Variants in NTHL1 observed in about 807,000 individuals in gnomAD.
NTHL1 encodes endonuclease III-like protein 1.
In NTHL1, 32 loss-of-function variants were observed where a neutral mutation model predicts 32.3. That is an observed-to-expected ratio of 0.99 (90% CI 0.75 to 1.33). NTHL1 has a LOEUF of 1.33. NTHL1 is among the 40% of genes most tolerant of loss of function. The probability of loss-of-function intolerance (pLI) is 0.00; values close to 1 mark genes in which losing one functional copy is unlikely to be tolerated. For missense variants in NTHL1, 501 were observed against 414.1 expected (o/e 1.21, Z -1.82); for synonymous variants, 188 against 176.9 (o/e 1.06, Z -0.50).
At chr16:2,041,025 C>CCAGG (rs1471225530) in intron 4 of NTHL1, among the ~76,000 whole-genome samples, 2 of 152,250 alleles carry the variant, frequency 1.3e-5, no homozygotes, top group African/African-American at 4.8e-5. Flanking sequence ...GCTGGCCACC[C>CCAGG]CAGGCGTCTG....
chr16:2,047,831 T>G lies in NTHL1; in HGVS notation c.-8A>C, dbSNP rs566165031. On this transcript the variant is annotated 5_prime_UTR_variant, in exon 1 of 6. Coordinates refer to ENST00000651570, the MANE Select transcript of NTHL1 (RefSeq NM_002528.7). Reference sequence around the variant, plus strand: ...CGCGCTCAAGGCGGTCATGCCGGACTCCTGCGGACTACACATCCCGGCGGC... The same window carrying G: ...CGCGCTCAAGGCGGTCATGCCGGACGCCTGCGGACTACACATCCCGGCGGC... The G allele has an allele frequency of 6.3e-7, 1 of 1,594,566 alleles. No homozygotes were observed. The highest frequency in any genetic ancestry group is 1.1e-5 in the South Asian group (1 of 89,416).
Position 2,041,443 on chromosome 16 carries a change from ATT to A in NTHL1, c.686-1207_686-1206del, listed in dbSNP as rs778235635. Among the ~76,000 whole-genome samples, 26 of 143,808 alleles carry A rather than the reference ATT, an allele frequency of 1.8e-4. 1 individual carries two copies. Among genetic ancestry groups the A allele is most frequent in the African/African-American group, 2.3e-4 (9 of 39,296 alleles). 94.3% of individuals were successfully genotyped at this position (143,808 alleles called of 152,430 possible). A position where few individuals can be genotyped will look rare whatever the true frequency, so the allele number is the denominator to read the frequency against. On this transcript the variant is annotated intron_variant, in intron 4 of 5. Coordinates refer to ENST00000651570, the MANE Select transcript of NTHL1 (RefSeq NM_002528.7). ...GGAGCCAGCAATCTATGGCTGTGGC[ATT>A]TTTTTTTTTTTTTAAACGGAGTCTT...
At chr16:2,046,632 AGACAGTCTGCTAACACC>A (rs1326277924) in intron 1 of NTHL1, among the ~76,000 whole-genome samples, 1 of 152,144 alleles carries the variant, frequency 6.6e-6, no homozygotes, top group African/African-American at 2.4e-5. Flanking sequence ...ACTGCACCAG[AGACAGTCTGCTAACACC>A]CACATCAGGT....
At chr16:2,046,426 G>A (rs1307132152) in intron 1 of NTHL1, 60 bp from the exon 2 acceptor site, 2 of 1,474,400 alleles carry the variant, frequency 1.4e-6, no homozygotes, top group Admixed American at 1.8e-5. Flanking sequence ...GGGTAGGGGT[G>A]CCATCCCGCC....
rs184003945 is a variant in NTHL1 at position 2,043,230 on chromosome 16, C to T, written c.685+337G>A. On this transcript the variant is annotated intron_variant, in intron 4 of 5. Coordinates refer to ENST00000651570, the MANE Select transcript of NTHL1 (RefSeq NM_002528.7). This position sits in a 1 kb window ranked among gnomAD's most constrained non-coding sequence, Gnocchi z 4.4. ...CCTTCCCAGAGGCCCTGGGCCCAAG[C>T]CAGGCCCCAAGAGCACCCTGCACAA... 5.3e-4 allele frequency among the ~76,000 whole-genome samples: 80 copies of T among 151,940 alleles called. No individual in the cohort carries two copies. Among genetic ancestry groups the T allele is most frequent in the Admixed American group, 2.2e-3 (34 of 15,284 alleles).
chr16:2,045,168 C>A (rs1330666405), intron 2 of NTHL1, among the ~76,000 whole-genome samples: 1 of 152,142 alleles, frequency 6.6e-6, no homozygotes, highest in Non-Finnish European at 1.5e-5. Flanking sequence ...GAAACCCCGT[C>A]TCTACTAAAA....
intron 4 of NTHL1, chr16:2,042,187 C>CGTTGG: frequency 2.3e-6 from 1 of 438,156 alleles, no homozygotes; most frequent in South Asian, 1.6e-5. Context: ...CTCTTGTGCC[C>CGTTGG]GCTGCTCCCA....
intron 1 of NTHL1, 21 bp downstream of exon 1, chr16:2,047,688 C>G: frequency 1.3e-6 from 2 of 1,564,808 alleles, no homozygotes; most frequent in Non-Finnish European, 1.7e-6. Flanking sequence ...CTCCCACGCT[C>G]CAGCCACGGC....
At position 2,044,533 on chromosome 16, in the gene NTHL1, G is replaced by C; in HGVS notation, c.525+97C>G. ...GGGACCCCCCGAGCCTGAGATGCTT[G>C]ACCCTCACTTCCTGCACCGTCGCCA... On this transcript the variant is annotated intron_variant, in intron 3 of 5. Transcript: ENST00000651570. This position sits in a 1 kb window ranked among gnomAD's most constrained non-coding sequence, Gnocchi z 5.0. 6.6e-7 allele frequency: 1 copy of C among 1,516,902 alleles called. No individual in the cohort carries two copies. Among genetic ancestry groups the C allele is most frequent in the South Asian group, 1.1e-5 (1 of 88,744 alleles). The allele number at this position is 1,516,902 out of a possible 1,614,324, so 94.0% of individuals were successfully genotyped here. A position where few individuals can be genotyped will look rare whatever the true frequency, so the allele number is the denominator to read the frequency against.
rs1210160367 is a variant in NTHL1, at chr16:2,046,343, C to T, written c.139G>A (p.Val47Met). Reference sequence around the variant, plus strand: ...CTCTGTGCTTTCCGCGGACGCTTCACGGGGCTGTGGCTTTTCCTCGCTTCT... The same window carrying T: ...CTCTGTGCTTTCCGCGGACGCTTCATGGGGCTGTGGCTTTTCCTCGCTTCT... ...AAEARKSHSP[V>M]KRPRKAQRLR... is the part of the protein sequence containing the mutation. The change falls in exon 2 of 6, where the codon GTG becomes ATG. Residue 47 changes from valine to methionine, a missense_variant. Transcript: ENST00000651570. 6.8e-6 allele frequency: 11 copies of T among 1,608,204 alleles called. No individual in the cohort carries two copies. The highest frequency in any genetic ancestry group is 1.7e-5 in the Admixed American group (1 of 59,930).
At chr16:2,047,179 T>A (rs137981626) in intron 1 of NTHL1, 4 of 156,394 alleles carry the variant, frequency 2.6e-5, no homozygotes, top group Non-Finnish European at 5.7e-5. Flanking sequence ...TCTGCAGAAG[T>A]CCCAGCGGGA....
rs1353242981 is a variant in NTHL1 at position 2,043,388 on chromosome 16, C to A, written c.685+179G>T. 1 of 805,646 alleles carries A rather than the reference C, an allele frequency of 1.2e-6. No homozygotes were observed. Among genetic ancestry groups the A allele is most frequent in the Non-Finnish European group, 2.0e-6 (1 of 509,582 alleles). The allele number at this position is 805,646 out of a possible 1,614,324, so 49.9% of individuals were successfully genotyped here. A position where few individuals can be genotyped will look rare whatever the true frequency, so the allele number is the denominator to read the frequency against. ...AGCAGGTGCTCAGCCCATGTGACCTCCTGCCCCAGCACCTGTCTCTGAGTG... is the reference window on the plus strand; with the variant it reads ...AGCAGGTGCTCAGCCCATGTGACCTACTGCCCCAGCACCTGTCTCTGAGTG... On this transcript the variant is annotated intron_variant, in intron 4 of 5. Transcript: ENST00000651570. The surrounding 1 kb of genome is among the most constrained non-coding windows in gnomAD (Gnocchi z 4.4).
rs1157978946 is a variant in NTHL1, at chr16:2,044,558, AC to A, written c.525+71del. On this transcript the variant is annotated intron_variant, in intron 3 of 5. Coordinates refer to ENST00000651570, the MANE Select transcript of NTHL1 (RefSeq NM_002528.7). The surrounding 1 kb of genome is among the most constrained non-coding windows in gnomAD (Gnocchi z 5.0). Reference sequence around the variant, plus strand: ...GACCCTCACTTCCTGCACCGTCGCCACCCCCCTCAGCCTTCTGAGGTCTCTC... The same window carrying A: ...GACCCTCACTTCCTGCACCGTCGCCACCCCCTCAGCCTTCTGAGGTCTCTC... 8.2e-6 allele frequency: 13 copies of A among 1,581,316 alleles called. No individual in the cohort carries two copies. The highest frequency in any genetic ancestry group is 8.6e-6 in the Non-Finnish European group (10 of 1,166,632).
intron 2 of NTHL1, among the ~76,000 whole-genome samples, chr16:2,045,581 T>G (rs1596221311): frequency 6.6e-6 from 1 of 151,966 alleles, no homozygotes; most frequent in African/African-American, 2.4e-5. Context: ...GGGTTACAGG[T>G]GCCTGCCACC....
At position 2,046,288 on chromosome 16, in the gene NTHL1, C is replaced by T. The variant is rs747885276; in HGVS notation, c.194G>A (p.Ser65Asn). 1 of 1,613,262 alleles carries T rather than the reference C, an allele frequency of 6.2e-7. No homozygotes were observed. Among genetic ancestry groups the T allele is most frequent in the Middle Eastern group, 1.7e-4 (1 of 6,060 alleles). Residue 65 changes from serine (S) to asparagine (N), a missense_variant, in exon 2 of 6, where the codon AGT (serine) becomes AAT (asparagine). Coordinates refer to ENST00000651570, the MANE Select transcript of NTHL1 (RefSeq NM_002528.7). ...GGGCTCAGCCCCCTCACCTTTCTCA[C>T]TGTCCGAGCCCTCATAGGCCACACG... Reference protein sequence around the residue: ...RLRVAYEGSDSEKGEGAEPLK... With the variant: ...RLRVAYEGSDNEKGEGAEPLK...
At chr16:2,045,054 T>G (rs1442725682) in intron 2 of NTHL1, among the ~76,000 whole-genome samples, 1 of 152,192 alleles carries the variant, frequency 6.6e-6, no homozygotes, top group Non-Finnish European at 1.5e-5. Context: ...GAATCGTATG[T>G]GGCCGGGCGT....
chr16:2,047,610 C>G, intron 1 of NTHL1, 99 bp downstream of exon 1: 1 of 1,464,626 alleles, frequency 6.8e-7, no homozygotes. Context: ...GTTTGCAGCC[C>G]CTGCCCGCGC....
In NTHL1 at chr16:2,044,850, C is replaced by G. The variant is rs1596220629; in HGVS notation, c.355-50G>C. On this transcript the variant is annotated intron_variant, in intron 2 of 5. Coordinates refer to ENST00000651570, the MANE Select transcript of NTHL1 (RefSeq NM_002528.7). The surrounding 1 kb of genome is among the most constrained non-coding windows in gnomAD (Gnocchi z 5.0). Reference sequence around the variant, plus strand: ...GGGTGGCGGCGGGTCCTGGGTGATTCCCTGGCCAGGCTCCGCCCCCCGCCC... The same window carrying G: ...GGGTGGCGGCGGGTCCTGGGTGATTGCCTGGCCAGGCTCCGCCCCCCGCCC... 2.6e-6 allele frequency: 4 copies of G among 1,526,952 alleles called. No homozygotes were observed. The African/African-American group carries it at 5.5e-5, about 21-fold the overall frequency. 94.6% of individuals were successfully genotyped at this position (1,526,952 alleles called of 1,614,324 possible).
At chr16:2,046,543 C>T (rs1464237341) in intron 1 of NTHL1, among the ~76,000 whole-genome samples, 177 bp from the exon 2 acceptor site, 2 of 152,132 alleles carry the variant, frequency 1.3e-5, no homozygotes, top group African/African-American at 4.8e-5. Flanking sequence ...CTTATGCCAG[C>T]GACCCTGACA....
Sources: allele counts gnomAD v4.1 joint callset (sites outside exome capture counted in the v4.1 genomes callset), GRCh38; gene constraint gnomAD v4.1.1; non-coding constraint Gnocchi (gnomAD v3.1); transcripts MANE v1.5; gene names NCBI Gene and HGNC (gene_info 2026-07-23, HGNC 2026-07-21).